The following TMPRSS15 variants were observed in gnomAD, a reference collection of about 807,000 sequenced individuals.
The protein encoded by TMPRSS15 is enteropeptidase.
Under a neutral mutation model 125.3 loss-of-function variants are expected in TMPRSS15, and 128 were observed. The observed-to-expected ratio is 1.02, with a 90% CI of 0.89 to 1.18. The LOEUF is 1.18. Among genes scored for constraint, TMPRSS15 ranks in the 50% most tolerant of loss-of-function variants. The probability of loss-of-function intolerance (pLI) is 0.00; values close to 1 mark genes in which losing one functional copy is unlikely to be tolerated. For synonymous variants in TMPRSS15, 446 were observed against 423.2 expected, an observed-to-expected ratio of 1.05 and a Z score of -0.66; for missense variants, 1,283 against 1,212.7, an observed-to-expected ratio of 1.06 and a Z score of -0.86.
chr21:18,294,174 G>A (rs892680135), intron 21 of TMPRSS15, 96 bp downstream of exon 21: 54 of 1,415,246 alleles, frequency 3.8e-5, no homozygotes, highest in Non-Finnish European at 6.9e-6. Flanking sequence ...GGATTTCCCT[G>A]GTGGGATGGT....
chr21:18,420,422 A>T (rs2076189865), intron 1 of TMPRSS15, among the ~76,000 whole-genome samples: 1 of 118,926 alleles, frequency 8.4e-6, no homozygotes, highest in South Asian at 3.4e-4. Flanking sequence ...CTATGTGGCT[A>T]GGGAAAGATC....
intron 19 of TMPRSS15, among the ~76,000 whole-genome samples, chr21:18,297,460 G>A (rs2074919550): frequency 6.7e-6 from 1 of 148,698 alleles, no homozygotes; most frequent in African/African-American, 2.6e-5. Context: ...TGATAAAAAA[G>A]GGTATAAAAT....
chr21:18,327,646 T>C (rs1208929703), intron 15 of TMPRSS15, among the ~76,000 whole-genome samples: 2 of 152,220 alleles, frequency 1.3e-5, no homozygotes, highest in African/African-American at 2.4e-5. Context: ...ATTCATGTGA[T>C]TGTATCCTGA....
intron 7 of TMPRSS15, among the ~76,000 whole-genome samples, chr21:18,364,833 A>T (rs1409610704): frequency 1.3e-5 from 2 of 152,182 alleles, no homozygotes; most frequent in Non-Finnish European, 2.9e-5. Flanking sequence ...TTCTCACGAT[A>T]CACAGACATA....
rs748621195 is a variant in TMPRSS15 at position 18,270,020 on chromosome 21, C to T, written c.3009G>A (p.Val1003=). The part of the protein sequence containing the change: ...YKCALPNRPG[V]YARVSRFTEW... ...CGGTAAACCTTGAGACCCTGGCATA[C>T]ACTCCGGGGCGATTAGGCAGGGCAC... Residue 1003 remains valine, a synonymous_variant, in exon 25 of 25, where the codon GTG becomes GTA. Transcript: ENST00000284885. 6.2e-6 allele frequency: 10 copies of T among 1,613,934 alleles called. No homozygotes were observed. The highest frequency in any genetic ancestry group is 8.5e-6 in the Non-Finnish European group (10 of 1,179,882).
At chr21:18,303,475 A>C (rs1435267948) in intron 18 of TMPRSS15, among the ~76,000 whole-genome samples, 1 of 152,162 alleles carries the variant, frequency 6.6e-6, no homozygotes, top group Non-Finnish European at 1.5e-5. Flanking sequence ...CATAGAATAT[A>C]TAGCGTTAAT....
intron 10 of TMPRSS15, among the ~76,000 whole-genome samples, chr21:18,350,733 C>T (rs1226527459): frequency 1.3e-5 from 2 of 151,704 alleles, no homozygotes; most frequent in Non-Finnish European, 2.9e-5. Context: ...ATTTAACACA[C>T]CAAGGAACAA....
chr21:18,386,649 A>G (rs1437103108), intron 3 of TMPRSS15, among the ~76,000 whole-genome samples: 2 of 152,044 alleles, frequency 1.3e-5, no homozygotes, highest in African/African-American at 4.8e-5. Context: ...CTCACTTTCC[A>G]AGATAGTTAA....
rs780487314 is a variant in TMPRSS15 at position 18,372,352 on chromosome 21, C to A, written c.533-28G>T. On this transcript the variant is annotated intron_variant, in intron 5 of 24. Transcript: ENST00000284885. Reference sequence around the variant, plus strand: ...TTAAAAAATAACTGAAATTAATTTCCAATTGATGAGATATGTACAATGTTT... The same window carrying A: ...TTAAAAAATAACTGAAATTAATTTCAAATTGATGAGATATGTACAATGTTT... The A allele has an allele frequency of 2.4e-5, 39 of 1,606,738 alleles. No individual in the cohort carries two copies. In the East Asian group the frequency reaches 8.8e-4, roughly 36 times the overall value.
At chr21:18,298,602 A>T (rs1817490623) in intron 18 of TMPRSS15, among the ~76,000 whole-genome samples, 1 of 152,186 alleles carries the variant, frequency 6.6e-6, no homozygotes, top group South Asian at 2.1e-4. Context: ...TTTTAGACTT[A>T]GCTGGAGACT....
chr21:18,472,381 G>A (rs1019599762), intron 1 of TMPRSS15, among the ~76,000 whole-genome samples: 2 of 150,892 alleles, frequency 1.3e-5, no homozygotes, highest in Non-Finnish European at 2.9e-5. Flanking sequence ...TTCAATTCAG[G>A]TAGCCAATTA....
chr21:18,279,089 C>A, intron 22 of TMPRSS15, 30 bp from the exon 23 acceptor site: 1 of 1,147,576 alleles, frequency 8.7e-7, no homozygotes, highest in African/African-American at 1.5e-5. Flanking sequence ...GCAAAACGAA[C>A]AAACGAAGAA....
At chr21:18,446,627 G>A (rs566921640) in intron 1 of TMPRSS15, among the ~76,000 whole-genome samples, 63 of 152,012 alleles carry the variant, frequency 4.1e-4, no homozygotes, top group Middle Eastern at 3.2e-3. Flanking sequence ...ACAGAATACG[G>A]AACCCCAAAA....
At chr21:18,428,594 G>A (rs1049578390) in intron 1 of TMPRSS15, among the ~76,000 whole-genome samples, 1 of 152,168 alleles carries the variant, frequency 6.6e-6, no homozygotes, top group African/African-American at 2.4e-5. Context: ...AGGGGCCAAT[G>A]TAGAGTGCAG....
chr21:18,405,358 A>G (rs1012351591), upstream of TMPRSS15, among the ~76,000 whole-genome samples: 1 of 152,224 alleles, frequency 6.6e-6, no homozygotes, highest in African/African-American at 2.4e-5. Flanking sequence ...GAGTGAAAGA[A>G]TAGCTTTTTT....
At chr21:18,317,809 CATCCCATTCT>C (rs2075185164) in intron 16 of TMPRSS15, among the ~76,000 whole-genome samples, 2 of 32,380 alleles carry the variant, frequency 6.2e-5, no homozygotes, top group African/African-American at 1.5e-4. Context: ...CATCCCATCC[CATCCCATTCT>C]ATCCTATCCC....
chr21:18,303,392 A>G (rs1163614262), intron 18 of TMPRSS15, among the ~76,000 whole-genome samples: 1 of 152,172 alleles, frequency 6.6e-6, no homozygotes, highest in Non-Finnish European at 1.5e-5. Flanking sequence ...AGGAAAAATT[A>G]AAGGGAGGGA....
At chr21:18,370,146 A>T (rs2075778488) in intron 6 of TMPRSS15, among the ~76,000 whole-genome samples, 1 of 152,074 alleles carries the variant, frequency 6.6e-6, no homozygotes, top group South Asian at 2.1e-4. Context: ...TAAGATAATT[A>T]CTTCCATTCT....
intron 1 of TMPRSS15, among the ~76,000 whole-genome samples, chr21:18,420,824 G>A: frequency 6.6e-6 from 1 of 152,140 alleles, no homozygotes; most frequent in East Asian, 1.9e-4. Context: ...GAGTCAGATG[G>A]TTTTCTGCTA....
Sources: allele counts gnomAD v4.1 joint callset (sites outside exome capture counted in the v4.1 genomes callset), GRCh38; gene constraint gnomAD v4.1.1; transcripts MANE v1.5; gene names NCBI Gene and HGNC (gene_info 2026-07-23, HGNC 2026-07-21).